Variants in TBC1D9 observed in about 807,000 individuals in gnomAD.
TBC1D9 encodes the protein TBC1 domain family member 9.
TBC1D9 carries 63 observed loss-of-function variants against 132.0 expected under a neutral mutation model. The observed-to-expected ratio is 0.48, with a 90% CI of 0.39 to 0.59. TBC1D9 has a LOEUF of 0.59. TBC1D9 is among the 20% of genes least tolerant of loss of function. The pLI, the probability that TBC1D9 is intolerant of heterozygous loss-of-function variation, is 0.00. For missense variants in TBC1D9, 1,261 were observed against 1,592.7 expected (o/e 0.79, Z 3.54); for synonymous variants, 610 against 609.9 (o/e 1.00, Z 0.00).
rs1225393035 is a variant in TBC1D9, at chr4:140,666,747, C to A, written c.1588+2170G>T. ...CTGTGAATATACTAAAAAAAAAAAA[C>A]CACTGAATTGTACACCTTAACTAGT... On this transcript the variant is annotated intron_variant, in intron 9 of 20. Transcript: ENST00000442267. Among the ~76,000 whole-genome samples the A allele has an allele frequency of 4.0e-4, 49 of 122,408 alleles. No homozygotes were observed. In the East Asian group the frequency reaches 5.8e-3, roughly 15 times the overall value. The allele number at this position is 122,408 out of a possible 152,430, so 80.3% of individuals were successfully genotyped here.
chr4:140,724,472 C>T (rs1738468661), intron 1 of TBC1D9, among the ~76,000 whole-genome samples: 1 of 152,136 alleles, frequency 6.6e-6, no homozygotes, highest in East Asian at 1.9e-4. Flanking sequence ...AGCACTGATG[C>T]ATACAAAATT....
At chr4:140,694,032 A>T (rs1172341079) in intron 2 of TBC1D9, among the ~76,000 whole-genome samples, 1 of 152,194 alleles carries the variant, frequency 6.6e-6, no homozygotes, top group Non-Finnish European at 1.5e-5. Context: ...TATTAATTAC[A>T]TGCATATCCT....
intron 13 of TBC1D9, among the ~76,000 whole-genome samples, chr4:140,649,473 A>C (rs1737152616): frequency 6.6e-6 from 1 of 152,234 alleles, no homozygotes; most frequent in African/African-American, 2.4e-5. Context: ...CAAATACTTA[A>C]GATAGTAAAT....
intron 10 of TBC1D9, among the ~76,000 whole-genome samples, chr4:140,660,930 T>A (rs1368908945): frequency 6.8e-6 from 1 of 147,632 alleles, no homozygotes; most frequent in Non-Finnish European, 1.5e-5. Flanking sequence ...TTTTTTTTAA[T>A]TTGAGACGGA....
intron 1 of TBC1D9, among the ~76,000 whole-genome samples, chr4:140,752,822 T>C (rs1198014675): frequency 6.6e-6 from 1 of 152,152 alleles, no homozygotes; most frequent in Non-Finnish European, 1.5e-5. Flanking sequence ...TAGCTTTCTG[T>C]GCTAATCTTT....
At chr4:140,703,020 G>T (rs1413261938) in intron 1 of TBC1D9, among the ~76,000 whole-genome samples, 1 of 152,062 alleles carries the variant, frequency 6.6e-6, no homozygotes, top group East Asian at 1.9e-4. Context: ...AAGACTTAGG[G>T]GTAATAGGCT....
chr4:140,646,909 A>G (rs1737111148), intron 13 of TBC1D9, among the ~76,000 whole-genome samples: 1 of 152,248 alleles, frequency 6.6e-6, no homozygotes, highest in African/African-American at 2.4e-5. Context: ...CTGGAATTCA[A>G]GAGTTAGTAG....
intron 3 of TBC1D9, among the ~76,000 whole-genome samples, chr4:140,682,931 G>T (rs1374744834): frequency 6.6e-6 from 1 of 152,136 alleles, no homozygotes; most frequent in Non-Finnish European, 1.5e-5. Context: ...TTGTTGCCCA[G>T]GCTGGAGTGC....
intron 18 of TBC1D9, among the ~76,000 whole-genome samples, chr4:140,624,771 G>T (rs1224027867): frequency 6.6e-6 from 1 of 152,192 alleles, no homozygotes; most frequent in Non-Finnish European, 1.5e-5. Context: ...TTAATGGAGG[G>T]TCAAGCAGCG....
chr4:140,629,063 A>G (rs1374454968), intron 16 of TBC1D9, among the ~76,000 whole-genome samples: 1 of 152,190 alleles, frequency 6.6e-6, no homozygotes, highest in Non-Finnish European at 1.5e-5. Flanking sequence ...GAATCATAGA[A>G]TCTGGGTTGG....
chr4:140,750,522 A>T (rs991220765), intron 1 of TBC1D9, among the ~76,000 whole-genome samples: 1 of 152,094 alleles, frequency 6.6e-6, no homozygotes, highest in Admixed American at 6.5e-5. Context: ...ATGAAATTTT[A>T]AAAAGACATA....
chr4:140,627,205 T>C (rs1736723392), intron 18 of TBC1D9, among the ~76,000 whole-genome samples: 1 of 152,244 alleles, frequency 6.6e-6, no homozygotes, highest in Non-Finnish European at 1.5e-5. Flanking sequence ...TACAGCTCTA[T>C]AGGACACAAG....
chr4:140,635,502 GAAGA>G (rs1324308173), intron 15 of TBC1D9, among the ~76,000 whole-genome samples: 1 of 151,972 alleles, frequency 6.6e-6, no homozygotes, highest in Non-Finnish European at 1.5e-5. Flanking sequence ...AACTAAAAAA[GAAGA>G]AAGAAAAATT....
At chr4:140,647,507 C>T (rs1238936473) in intron 13 of TBC1D9, among the ~76,000 whole-genome samples, 1 of 152,160 alleles carries the variant, frequency 6.6e-6, no homozygotes, top group Non-Finnish European at 1.5e-5. Context: ...TCTTCTGACC[C>T]TGTTTCTTCC....
At chr4:140,733,908 C>T (rs978809653) in intron 1 of TBC1D9, among the ~76,000 whole-genome samples, 2 of 152,024 alleles carry the variant, frequency 1.3e-5, no homozygotes, top group African/African-American at 4.8e-5. Flanking sequence ...TTTTCCTCTT[C>T]TTCCTTTCCT....
rs781717165 is a variant in TBC1D9, at chr4:140,662,109, T to A, written c.1589-2A>T. The A allele has an allele frequency of 7.5e-6, 12 of 1,610,444 alleles. No homozygotes were observed. On this transcript the variant is annotated splice_acceptor_variant, in intron 9 of 20. Transcript: ENST00000442267. LOFTEE classifies it high-confidence loss of function. ...GTGTGGCCTTCTCATTGATGGCACC[T>A]GAGATATATCCAACAGATACAGTAT...
chr4:140,736,877 A>G (rs1231343605), intron 1 of TBC1D9, among the ~76,000 whole-genome samples: 2 of 152,140 alleles, frequency 1.3e-5, no homozygotes, highest in African/African-American at 4.8e-5. Context: ...CCCTGTGGGG[A>G]AGCAGAATTA....
chr4:140,639,537 C>A, intron 13 of TBC1D9, 109 bp from the exon 14 acceptor site: 2 of 756,506 alleles, frequency 2.6e-6, no homozygotes, highest in South Asian at 3.2e-5. Flanking sequence ...AATGACTTCT[C>A]ATATGATGGG....
intron 15 of TBC1D9, among the ~76,000 whole-genome samples, chr4:140,635,260 C>G (rs1736859967): frequency 6.6e-6 from 1 of 152,040 alleles, no homozygotes; most frequent in Non-Finnish European, 1.5e-5. Context: ...AGAGGATCGC[C>G]TGAGCCCAGG....
Sources: gnomAD v4.1 joint callset for allele counts (sites outside exome capture counted in the v4.1 genomes callset) on GRCh38, gnomAD v4.1.1 for gene constraint, MANE v1.5 for transcripts, NCBI Gene and HGNC (gene_info 2026-07-23, HGNC 2026-07-21) for gene names.